The following EYS variants were observed in gnomAD, a reference collection of about 807,000 sequenced individuals.
EYS encodes protein eyes shut homolog.
A neutral mutation model predicts 282.1 loss-of-function variants in EYS; 250 were observed. The ratio of observed to expected loss-of-function variants is 0.89; its 90% CI spans 0.80 to 0.98. The LOEUF (loss-of-function observed/expected upper bound fraction) is 0.98, where lower values mean the gene tolerates loss of function less well. EYS is among the 50% of genes least tolerant of loss of function. The pLI, the probability that EYS is intolerant of heterozygous loss-of-function variation, is 0.00. For synonymous variants in EYS, 1,355 were observed against 1,282.9 expected (o/e 1.06, Z -1.20); for missense variants, 4,016 against 3,709.0 (o/e 1.08, Z -2.15).
intron 12 of EYS, among the ~76,000 whole-genome samples, chr6:65,204,968 ATATATTCTAGAAGAATATATTT>A (rs1765994909): frequency 8.1e-6 from 1 of 123,966 alleles, no homozygotes. Context: ...GAATATATTT[ATATATTCTAGAAGAATATATTT>A]ATATATTCTA....
At chr6:65,498,609 C>G (rs9354256) in intron 2 of EYS, among the ~76,000 whole-genome samples, 1 of 151,822 alleles carries the variant, frequency 6.6e-6, no homozygotes, top group Non-Finnish European at 1.5e-5. Flanking sequence ...TGGCTTGATG[C>G]ATTGCATTTC....
intron 22 of EYS, among the ~76,000 whole-genome samples, chr6:64,632,807 T>A (rs1250243564): frequency 6.6e-6 from 1 of 152,158 alleles, no homozygotes; most frequent in Non-Finnish European, 1.5e-5. Context: ...GATTATGAGT[T>A]CAATATTATA....
chr6:65,671,091 A>G (rs1330764938), intron 1 of EYS, among the ~76,000 whole-genome samples: 1 of 152,120 alleles, frequency 6.6e-6, no homozygotes, highest in East Asian at 1.9e-4. Flanking sequence ...ATGCCATGTT[A>G]TATGTTAATT....
At chr6:64,436,103 C>T in intron 28 of EYS, 71 bp downstream of exon 28, 1 of 861,118 alleles carries the variant, frequency 1.2e-6, no homozygotes, top group Non-Finnish European at 1.7e-6. Context: ...TTTGAAATGA[C>T]AAGTACAATA....
At chr6:64,510,608 G>C (rs1004648680) in intron 26 of EYS, among the ~76,000 whole-genome samples, 1 of 151,926 alleles carries the variant, frequency 6.6e-6, no homozygotes, top group African/African-American at 2.4e-5. Flanking sequence ...CTATTAGTGC[G>C]CTGCACAAAA....
chr6:65,496,193 G>A (rs887673945), intron 2 of EYS, among the ~76,000 whole-genome samples, 200 bp from the exon 3 acceptor site: 1 of 151,902 alleles, frequency 6.6e-6, no homozygotes, highest in Non-Finnish European at 1.5e-5. Context: ...ATGGTGGAAG[G>A]TGCCAGATAA....
At chr6:65,700,652 G>A (rs536901628) in intron 1 of EYS, among the ~76,000 whole-genome samples, 6 of 152,030 alleles carry the variant, frequency 3.9e-5, no homozygotes, top group African/African-American at 9.6e-5. Context: ...TACATTTGCC[G>A]TGTCAGAAAT....
chr6:65,263,725 G>GTGTGTA (rs1767678610), intron 12 of EYS, among the ~76,000 whole-genome samples: 1 of 151,620 alleles, frequency 6.6e-6, no homozygotes, highest in Non-Finnish European at 1.5e-5. Context: ...GTGTGTGTGT[G>GTGTGTA]TGTGTGTGTG....
In EYS at chr6:64,583,435, C is replaced by T. The variant is rs142299402; in HGVS notation, c.5644+6788G>A. Reference sequence around the variant, plus strand: ...ATAAGCAAGCAGGCAAACAAACAAACAATCATAGTGGTGACTGGTGCCTGT... The same window carrying T: ...ATAAGCAAGCAGGCAAACAAACAAATAATCATAGTGGTGACTGGTGCCTGT... On this transcript the variant is annotated intron_variant, in intron 26 of 42. Coordinates refer to ENST00000503581, the MANE Select transcript of EYS (RefSeq NM_001142800.2). Among the ~76,000 whole-genome samples, 380 of 152,094 alleles carry T rather than the reference C, an allele frequency of 2.5e-3. 4 individuals carry two copies. Among genetic ancestry groups the T allele is most frequent in the African/African-American group, 8.5e-3 (352 of 41,518 alleles).
At chr6:64,050,035 C>A (rs1770755680) in intron 33 of EYS, among the ~76,000 whole-genome samples, 1 of 152,080 alleles carries the variant, frequency 6.6e-6, no homozygotes, top group African/African-American at 2.4e-5. Flanking sequence ...TTTCTGACAT[C>A]TTATTAGGGG....
chr6:64,668,847 G>A (rs969705062), intron 22 of EYS, among the ~76,000 whole-genome samples: 1 of 151,904 alleles, frequency 6.6e-6, no homozygotes, highest in African/African-American at 2.4e-5. Context: ...TATTACAGGT[G>A]TGAGCCACCA....
intron 2 of EYS, among the ~76,000 whole-genome samples, chr6:65,560,329 TATA>T (rs10538869): frequency 0.086 from 12,373 of 144,372 alleles, 723 homozygotes; most frequent in Admixed American, 0.14. Context: ...TAATATAACA[TATA>T]ATATGTTATA....
intron 14 of EYS, among the ~76,000 whole-genome samples, chr6:64,973,177 C>A (rs1441965043): frequency 6.6e-6 from 1 of 151,916 alleles, no homozygotes; most frequent in Non-Finnish European, 1.5e-5. Context: ...TATTCTTTGA[C>A]AAAATAATAC....
chr6:64,617,089 C>T (rs1767297970), intron 24 of EYS, among the ~76,000 whole-genome samples: 1 of 152,098 alleles, frequency 6.6e-6, no homozygotes, highest in Non-Finnish European at 1.5e-5. Flanking sequence ...TCCGCCAAGA[C>T]CCTGACGGTA....
intron 35 of EYS, among the ~76,000 whole-genome samples, chr6:63,906,004 T>TA (rs1168643782): frequency 3.7e-4 from 57 of 152,218 alleles, no homozygotes; most frequent in Admixed American, 1.3e-3. Context: ...GAAGCTCATT[T>TA]GAATGTCTGC....
At chr6:64,608,735 G>T (rs1582949745) in intron 24 of EYS, among the ~76,000 whole-genome samples, 1 of 152,226 alleles carries the variant, frequency 6.6e-6, no homozygotes, top group East Asian at 1.9e-4. Flanking sequence ...CCTGACAGGG[G>T]CTCTCATGCC....
chr6:65,084,425 A>G (rs1186731059), intron 12 of EYS, among the ~76,000 whole-genome samples: 3 of 152,134 alleles, frequency 2.0e-5, no homozygotes, highest in African/African-American at 2.4e-5. Context: ...CAAATTGCCA[A>G]TTTAAATGTG....
Position 64,372,130 on chromosome 6 carries a change from G to GTTTTTTTTTTTTTTTTTTTTTTTTT in EYS, c.6078+16535_6078+16559dup, listed in dbSNP as rs201498090. Among the ~76,000 whole-genome samples, 17 of 97,714 alleles carry GTTTTTTTTTTTTTTTTTTTTTTTTT rather than the reference G, an allele frequency of 1.7e-4. 1 individual carries two copies. The highest frequency in any genetic ancestry group is 3.3e-4 in the African/African-American group (7 of 21,238). 64.1% of individuals were successfully genotyped at this position (97,714 alleles called of 152,430 possible). A position where few individuals can be genotyped will look rare whatever the true frequency, so the allele number is the denominator to read the frequency against. On this transcript the variant is annotated intron_variant, in intron 29 of 42. Coordinates refer to ENST00000503581, the MANE Select transcript of EYS (RefSeq NM_001142800.2). ...TAGCATCACTGGTCTGTATACTTGTGTTTTTTTTTTTTTTTTTTTTTTTTT... is the reference window on the plus strand; with the variant it reads ...TAGCATCACTGGTCTGTATACTTGTGTTTTTTTTTTTTTTTTTTTTTTTTTTTTTTTTTTTTTTTTTTTTTTTTTT...
chr6:64,712,790 G>A (rs546621050), intron 22 of EYS, among the ~76,000 whole-genome samples: 1 of 152,262 alleles, frequency 6.6e-6, no homozygotes, highest in Admixed American at 6.5e-5. Flanking sequence ...GAAAGGCTGA[G>A]GCATTTCAGG....
Sources: gnomAD v4.1 joint callset for allele counts (sites outside exome capture counted in the v4.1 genomes callset) on GRCh38, gnomAD v4.1.1 for gene constraint, MANE v1.5 for transcripts, NCBI Gene and HGNC (gene_info 2026-07-23, HGNC 2026-07-21) for gene names.